The following POU6F2 variants were observed in gnomAD, a reference collection of about 807,000 sequenced individuals.
POU6F2 encodes POU domain, class 6, transcription factor 2.
In POU6F2, 31 loss-of-function variants were observed where a neutral mutation model predicts 71.3. The observed-to-expected ratio is 0.43, with a 90% confidence interval of 0.33 to 0.59. The LOEUF (loss-of-function observed/expected upper bound fraction) is 0.59, where lower values mean the gene tolerates loss of function less well. POU6F2 is among the 20% of genes least tolerant of loss of function. The probability of loss-of-function intolerance (pLI) is 0.04; values close to 1 mark genes in which losing one functional copy is unlikely to be tolerated. For missense variants in POU6F2, 783 were observed against 856.8 expected (o/e 0.91, Z 1.07); for synonymous variants, 347 against 355.7 (o/e 0.98, Z 0.27).
At chr7:39,080,004 T>C (rs1161415456) in intron 1 of POU6F2, among the ~76,000 whole-genome samples, 1 of 152,236 alleles carries the variant, frequency 6.6e-6, no homozygotes, top group Non-Finnish European at 1.5e-5. Context: ...GAATTTATAA[T>C]ACTTTTAGCA....
chr7:39,052,520 AACTC>A (rs1790419590), intron 1 of POU6F2, among the ~76,000 whole-genome samples: 1 of 151,998 alleles, frequency 6.6e-6, no homozygotes, highest in Non-Finnish European at 1.5e-5. Context: ...ATCTCATGAG[AACTC>A]ACTCACTATC....
intron 5 of POU6F2, among the ~76,000 whole-genome samples, chr7:39,365,624 C>T (rs905809917): frequency 6.6e-6 from 1 of 152,140 alleles, no homozygotes; most frequent in Non-Finnish European, 1.5e-5. Flanking sequence ...AAAATCTTCA[C>T]AATCCATACA....
At chr7:39,171,382 GTTATAC>G (rs1793216663) in intron 2 of POU6F2, among the ~76,000 whole-genome samples, 1 of 152,084 alleles carries the variant, frequency 6.6e-6, no homozygotes, top group Admixed American at 6.5e-5. Context: ...TGTTTTAGTA[GTTATAC>G]TTAAAGGTGG....
At chr7:38,998,686 T>C (rs1368271520) in intron 1 of POU6F2, among the ~76,000 whole-genome samples, 1 of 151,794 alleles carries the variant, frequency 6.6e-6, no homozygotes, top group East Asian at 1.9e-4. Context: ...TATCTTGCTC[T>C]GTCACCCAGG....
chr7:39,306,283 G>A (rs1344128428), intron 4 of POU6F2, among the ~76,000 whole-genome samples: 1 of 152,164 alleles, frequency 6.6e-6, no homozygotes, highest in Non-Finnish European at 1.5e-5. Context: ...CAGCCGTGGT[G>A]GCATAAACTC....
intron 5 of POU6F2, among the ~76,000 whole-genome samples, chr7:39,347,223 A>T (rs2115653402): frequency 6.6e-6 from 1 of 152,322 alleles, no homozygotes; most frequent in East Asian, 1.9e-4. Context: ...GACTATAGAT[A>T]TTATAACCTG....
At chr7:39,306,277 C>T (rs566922751) in intron 4 of POU6F2, among the ~76,000 whole-genome samples, 2 of 152,312 alleles carry the variant, frequency 1.3e-5, no homozygotes, top group African/African-American at 4.8e-5. Flanking sequence ...TTCCAACAGC[C>T]GTGGTGGCAT....
chr7:39,372,433 A>C (rs1226703520), intron 5 of POU6F2, among the ~76,000 whole-genome samples: 1 of 152,214 alleles, frequency 6.6e-6, no homozygotes, highest in Non-Finnish European at 1.5e-5. Flanking sequence ...ATTCCTTATA[A>C]TGGAGGCTCT....
At chr7:38,993,617 C>T (rs896796491) in intron 1 of POU6F2, among the ~76,000 whole-genome samples, 1 of 146,358 alleles carries the variant, frequency 6.8e-6, no homozygotes, top group Non-Finnish European at 1.5e-5. Context: ...TTTAAACACA[C>T]ACACACACAC....
intron 1 of POU6F2, among the ~76,000 whole-genome samples, chr7:38,985,308 G>T (rs912844733): frequency 7.2e-5 from 11 of 152,016 alleles, no homozygotes; most frequent in African/African-American, 7.2e-5. Flanking sequence ...AATGTAAAAT[G>T]CTGCTTAATG....
chr7:39,119,158 C>G (rs1467201728), intron 2 of POU6F2, among the ~76,000 whole-genome samples: 1 of 152,112 alleles, frequency 6.6e-6, no homozygotes. Context: ...CCCAGCCACA[C>G]AGGGGAGGCA....
chr7:39,305,728 T>C (rs1168283762), intron 4 of POU6F2, among the ~76,000 whole-genome samples: 1 of 152,232 alleles, frequency 6.6e-6, no homozygotes. Context: ...TTGGCTTAAA[T>C]TGACAATATT....
At chr7:39,247,849 A>AC (rs760043385) in intron 4 of POU6F2, among the ~76,000 whole-genome samples, 1 of 152,116 alleles carries the variant, frequency 6.6e-6, no homozygotes, top group Non-Finnish European at 1.5e-5. Context: ...AATAGGTAGG[A>AC]CCCCTGTCAG....
intron 1 of POU6F2, among the ~76,000 whole-genome samples, chr7:38,994,371 A>G (rs543083098): frequency 6.6e-6 from 1 of 152,250 alleles, no homozygotes; most frequent in African/African-American, 2.4e-5. Flanking sequence ...CAGGGAATTG[A>G]TTCTGCAGGT....
intron 1 of POU6F2, among the ~76,000 whole-genome samples, chr7:38,997,609 G>A (rs1454903177): frequency 2.0e-5 from 3 of 152,166 alleles, no homozygotes; most frequent in East Asian, 3.8e-4. Context: ...TACCCCCTAT[G>A]TAGATATGTG....
intron 1 of POU6F2, among the ~76,000 whole-genome samples, chr7:39,048,133 T>G (rs1261549551): frequency 1.3e-5 from 2 of 151,984 alleles, no homozygotes; most frequent in Non-Finnish European, 2.9e-5. Context: ...ACTAGGAGTT[T>G]CTTTGTGGTA....
intron 2 of POU6F2, among the ~76,000 whole-genome samples, chr7:39,160,012 T>TGATTCA (rs1436499811): frequency 1.3e-5 from 2 of 152,158 alleles, no homozygotes; most frequent in Non-Finnish European, 2.9e-5. Context: ...GCCGCTATCT[T>TGATTCA]GATTCAGTGT....
chr7:39,161,769 A>G (rs1793004372), intron 2 of POU6F2, among the ~76,000 whole-genome samples: 1 of 152,192 alleles, frequency 6.6e-6, no homozygotes, highest in Non-Finnish European at 1.5e-5. Flanking sequence ...AGAATAATGA[A>G]GAATAAGGGA....
At chr7:39,047,646 A>G (rs1262159197) in intron 1 of POU6F2, among the ~76,000 whole-genome samples, 3 of 151,808 alleles carry the variant, frequency 2.0e-5, no homozygotes, top group Non-Finnish European at 4.4e-5. Context: ...TCTGCAAACA[A>G]AAAAAATTGT....
Sources: gnomAD v4.1 joint callset for allele counts (sites outside exome capture counted in the v4.1 genomes callset) on GRCh38, gnomAD v4.1.1 for gene constraint, MANE v1.5 for transcripts, NCBI Gene and HGNC (gene_info 2026-07-23, HGNC 2026-07-21) for gene names.